The following GNAQ variants were observed in gnomAD, a reference collection of about 807,000 sequenced individuals.
The protein encoded by GNAQ is G protein subunit alpha q.
A neutral mutation model predicts 43.9 loss-of-function variants in GNAQ; 8 were observed. The ratio of observed to expected loss-of-function variants is 0.18; its 90% CI spans 0.11 to 0.33. GNAQ has a LOEUF of 0.33. GNAQ is among the 10% of genes least tolerant of loss of function. The probability of loss-of-function intolerance (pLI) is 1.00; values close to 1 mark genes in which losing one functional copy is unlikely to be tolerated. For synonymous variants in GNAQ, 155 were observed against 170.7 expected (o/e 0.91, Z 0.71); for missense variants, 158 against 450.8 (o/e 0.35, Z 5.88).
At chr9:77,798,459 C>G (rs1564113795) in intron 3 of GNAQ, among the ~76,000 whole-genome samples, 1 of 152,146 alleles carries the variant, frequency 6.6e-6, no homozygotes, top group Non-Finnish European at 1.5e-5. Flanking sequence ...GGAAATGACA[C>G]TGACACAAAT....
intron 2 of GNAQ, among the ~76,000 whole-genome samples, chr9:77,855,120 C>A (rs964635209): frequency 2.6e-5 from 4 of 152,104 alleles, no homozygotes; most frequent in African/African-American, 7.2e-5. Flanking sequence ...ATTGCACTAC[C>A]TTGCATCACA....
At position 77,736,493 on chromosome 9, in the gene GNAQ, C is replaced by T. The variant is rs946386228; in HGVS notation, c.736-7826G>A. 7.9e-5 allele frequency among the ~76,000 whole-genome samples: 12 copies of T among 152,042 alleles called. 1 individual carries two copies. The East Asian group carries it at 1.9e-3, about 24-fold the overall frequency. ...AGCAATTATTTGAGATCAAATTTGGCGAAGGTTTTAATGTTATAGTTTCTG... is the reference window on the plus strand; with the variant it reads ...AGCAATTATTTGAGATCAAATTTGGTGAAGGTTTTAATGTTATAGTTTCTG... On this transcript the variant is annotated intron_variant, in intron 5 of 6. Coordinates refer to ENST00000286548, the MANE Select transcript of GNAQ (RefSeq NM_002072.5).
intron 3 of GNAQ, among the ~76,000 whole-genome samples, chr9:77,811,978 C>G (rs542905638): frequency 2.0e-5 from 3 of 152,272 alleles, no homozygotes; most frequent in Non-Finnish European, 2.9e-5. Context: ...TTTCACTTAG[C>G]TAAGGTGACC....
At chr9:77,984,908 G>A (rs545517874) in intron 1 of GNAQ, among the ~76,000 whole-genome samples, 1 of 152,170 alleles carries the variant, frequency 6.6e-6, no homozygotes, top group Non-Finnish European at 1.5e-5. Flanking sequence ...GGAGAAAGCA[G>A]AGAATTACAA....
At chr9:78,019,610 C>T (rs550123608) in intron 1 of GNAQ, among the ~76,000 whole-genome samples, 1 of 152,238 alleles carries the variant, frequency 6.6e-6, no homozygotes, top group African/African-American at 2.4e-5. Flanking sequence ...TTTTGAATGT[C>T]GGTCATAATT....
chr9:77,839,761 G>T (rs1827454690), intron 2 of GNAQ, among the ~76,000 whole-genome samples: 2 of 152,186 alleles, frequency 1.3e-5, no homozygotes, highest in Admixed American at 1.3e-4. Context: ...AATTTAGGTG[G>T]GTGGAAGCTT....
chr9:77,772,149 C>T (rs1054309163), intron 5 of GNAQ, among the ~76,000 whole-genome samples: 1 of 152,150 alleles, frequency 6.6e-6, no homozygotes, highest in African/African-American at 2.4e-5. Flanking sequence ...TTATATTGTA[C>T]CTAGTCCCCC....
chr9:77,772,605 CAA>C (rs1826243542), intron 5 of GNAQ, among the ~76,000 whole-genome samples: 1 of 152,120 alleles, frequency 6.6e-6, no homozygotes, highest in Non-Finnish European at 1.5e-5. Flanking sequence ...TGAGGAGAAA[CAA>C]AACAAAAATC....
chr9:78,027,178 C>T (rs1823993373), intron 1 of GNAQ, among the ~76,000 whole-genome samples: 2 of 152,186 alleles, frequency 1.3e-5, no homozygotes, highest in African/African-American at 4.8e-5. Flanking sequence ...TTAACACTTC[C>T]TATCCTGGAA....
rs79891696 is a variant in GNAQ at position 77,897,010 on chromosome 9, T to C, written c.321+25151A>G. Among the ~76,000 whole-genome samples the C allele has an allele frequency of 4.2e-3, 633 of 152,312 alleles. 4 individuals carry two copies. The highest frequency in any genetic ancestry group is 0.015 in the African/African-American group (606 of 41,576). On this transcript the variant is annotated intron_variant, in intron 2 of 6. Coordinates refer to ENST00000286548, the MANE Select transcript of GNAQ (RefSeq NM_002072.5). The stretch of plus-strand genomic sequence containing the variant: ...CTAAGCATGTCTGTTATTACAATGA[T>C]ACTTAATTATAAAGGGAAACACACT...
intron 1 of GNAQ, among the ~76,000 whole-genome samples, chr9:77,974,415 T>C (rs1293845469): frequency 6.6e-6 from 1 of 152,188 alleles, no homozygotes; most frequent in Non-Finnish European, 1.5e-5. Context: ...TTAATATACA[T>C]TGCTCCAAGA....
chr9:77,858,204 C>T (rs1186082694), intron 2 of GNAQ, among the ~76,000 whole-genome samples: 1 of 152,176 alleles, frequency 6.6e-6, no homozygotes, highest in Non-Finnish European at 1.5e-5. Flanking sequence ...GAGATTGAGT[C>T]TCCAGACCCA....
At chr9:77,899,911 T>A (rs1174288151) in intron 2 of GNAQ, among the ~76,000 whole-genome samples, 2 of 152,204 alleles carry the variant, frequency 1.3e-5, no homozygotes, top group Non-Finnish European at 2.9e-5. Flanking sequence ...AAAGCTTGCA[T>A]TCTAGCAGAG....
At chr9:78,031,018 G>A in intron 1 of GNAQ, 82 bp downstream of exon 1, 3 of 1,035,342 alleles carry the variant, frequency 2.9e-6, no homozygotes, top group East Asian at 3.4e-5. Context: ...GGGGGCGGGG[G>A]CGCCGAAGGC....
chr9:78,013,770 G>A (rs1823803565), intron 1 of GNAQ, among the ~76,000 whole-genome samples: 1 of 152,148 alleles, frequency 6.6e-6, no homozygotes, highest in Non-Finnish European at 1.5e-5. Flanking sequence ...ATACCTGCCA[G>A]AATGCCAAAT....
At chr9:77,884,401 C>T (rs1749794660) in intron 2 of GNAQ, among the ~76,000 whole-genome samples, 1 of 152,124 alleles carries the variant, frequency 6.6e-6, no homozygotes, top group Admixed American at 6.5e-5. Flanking sequence ...AGAGAAAATG[C>T]AAACGACTAT....
At chr9:77,857,739 G>A (rs1827781638) in intron 2 of GNAQ, among the ~76,000 whole-genome samples, 1 of 151,596 alleles carries the variant, frequency 6.6e-6, no homozygotes, top group Non-Finnish European at 1.5e-5. Context: ...TTTCTACTCT[G>A]AATGTTAATG....
chr9:77,839,412 G>A (rs1262399781), intron 2 of GNAQ, among the ~76,000 whole-genome samples: 1 of 152,200 alleles, frequency 6.6e-6, no homozygotes, highest in Non-Finnish European at 1.5e-5. Flanking sequence ...TCCAGAGACT[G>A]GTACCAGGAA....
intron 5 of GNAQ, among the ~76,000 whole-genome samples, chr9:77,767,643 G>A (rs1244639516): frequency 2.6e-5 from 4 of 152,216 alleles, no homozygotes; most frequent in Admixed American, 1.3e-4. Context: ...AAAATGGGAT[G>A]AGACTATTGA....
Sources: allele counts gnomAD v4.1 joint callset (sites outside exome capture counted in the v4.1 genomes callset), GRCh38; gene constraint gnomAD v4.1.1; transcripts MANE v1.5; gene names NCBI Gene and HGNC (gene_info 2026-07-23, HGNC 2026-07-21).